Variants in ASRGL1 observed in about 807,000 individuals in gnomAD.
ASRGL1 encodes the protein isoaspartyl peptidase/L-asparaginase.
Under a neutral mutation model 22.4 loss-of-function variants are expected in ASRGL1, and 16 were observed. The observed-to-expected ratio is 0.71, with a 90% CI of 0.48 to 1.08. ASRGL1 has a LOEUF of 1.08. Among genes scored for constraint, ASRGL1 ranks in the 50% least tolerant of loss-of-function variants. The pLI, the probability that ASRGL1 is intolerant of heterozygous loss-of-function variation, is 0.00. For synonymous variants in ASRGL1, 165 were observed against 159.3 expected (o/e 1.04, Z -0.27); for missense variants, 412 against 410.1 (o/e 1.00, Z -0.04).
chr11:62,337,817 A>C, intron 1 of ASRGL1, 73 bp from the exon 2 acceptor site: 1 of 722,768 alleles, frequency 1.4e-6, no homozygotes, highest in South Asian at 2.1e-5. Context: ...ACCAAGCTCG[A>C]CCGAGCCGCC....
intron 4 of ASRGL1, chr11:62,372,161 C>T (rs558530775): frequency 3.3e-6 from 3 of 910,710 alleles, no homozygotes; most frequent in Non-Finnish European, 5.5e-6. Flanking sequence ...GCAGCTGGGA[C>T]ATGGTGACAC....
chr11:62,361,243 G>C (rs1946425245), intron 4 of ASRGL1, among the ~76,000 whole-genome samples: 1 of 151,938 alleles, frequency 6.6e-6, no homozygotes, highest in South Asian at 2.1e-4. Flanking sequence ...CCAGGCTCGA[G>C]TGCAGTGTTA....
Position 62,389,188 on chromosome 11 carries a change from G to A in ASRGL1, c.547G>A (p.Ala183Thr), listed in dbSNP as rs141874270. ...GGACTGCAAAGGGAATGTAGCCTACGCAACCTCCACAGGCGGTATCGTTAA... is the reference window on the plus strand; with the variant it reads ...GGACTGCAAAGGGAATGTAGCCTACACAACCTCCACAGGCGGTATCGTTAA... ...ALDCKGNVAY[A>T]TSTGGIVNKM... Residue 183 changes from alanine to threonine, a missense_variant, in exon 5 of 7, where the codon GCA (alanine) becomes ACA (threonine). Ala to Thr is a moderately conservative substitution (Grantham distance 58). Coordinates refer to ENST00000415229, the MANE Select transcript of ASRGL1 (RefSeq NM_001083926.2). The A allele has an allele frequency of 1.9e-5, 31 of 1,614,002 alleles. 1 individual carries two copies. Among genetic ancestry groups the A allele is most frequent in the East Asian group, 2.2e-5 (1 of 44,894 alleles).
chr11:62,391,198 A>G lies in ASRGL1; in HGVS notation c.611-324A>G, dbSNP rs576909050. On this transcript the variant is annotated intron_variant, in intron 5 of 6. Transcript: ENST00000415229. ...TTTCTTCCTCCATAGTGTGTGGGGCATGAGGAGGAGACAGGGAGAGGGTGG... is the reference window on the plus strand; with the variant it reads ...TTTCTTCCTCCATAGTGTGTGGGGCGTGAGGAGGAGACAGGGAGAGGGTGG... Among the ~76,000 whole-genome samples the G allele has an allele frequency of 3.9e-5, 6 of 152,322 alleles. No individual in the cohort carries two copies. In the East Asian group the frequency reaches 9.7e-4, roughly 25 times the overall value.
intron 4 of ASRGL1, among the ~76,000 whole-genome samples, chr11:62,370,236 G>GTGTT (rs1367324985): frequency 4.6e-5 from 7 of 152,144 alleles, no homozygotes; most frequent in Non-Finnish European, 2.9e-5. Context: ...GCAGAATATG[G>GTGTT]TGTTGCCAAT....
chr11:62,361,934 T>TTTTTGAATTAAGTGAATTAAGTGA (rs1339926115), intron 4 of ASRGL1, among the ~76,000 whole-genome samples: 4 of 152,198 alleles, frequency 2.6e-5, no homozygotes, highest in African/African-American at 9.7e-5. Flanking sequence ...TAAAGTGTGA[T>TTTTTGAATTAAGTGAATTAAGTGA]TTTTGAATTA....
chr11:62,346,472 G>A (rs754244983), intron 2 of ASRGL1, among the ~76,000 whole-genome samples: 4 of 152,104 alleles, frequency 2.6e-5, no homozygotes, highest in African/African-American at 7.2e-5. Flanking sequence ...AGTAACAAAC[G>A]TAAGAAGCCA....
chr11:62,355,673 G>A (rs1254792655), intron 2 of ASRGL1, among the ~76,000 whole-genome samples: 4 of 151,368 alleles, frequency 2.6e-5, no homozygotes, highest in Non-Finnish European at 1.5e-5. Context: ...TCGCAGAGGG[G>A]GATTTGGCAG....
At position 62,341,319 on chromosome 11, in the gene ASRGL1, C is replaced by T. The variant is rs139965508; in HGVS notation, c.190+3152C>T. On this transcript the variant is annotated intron_variant, in intron 2 of 6. Coordinates refer to ENST00000415229, the MANE Select transcript of ASRGL1 (RefSeq NM_001083926.2). ...GTTCAAGCGATTCTCCTGCCTCAGC[C>T]TCTCGAGTAGCTGGGACTATAGGCA... 4.6e-3 allele frequency among the ~76,000 whole-genome samples: 695 copies of T among 151,864 alleles called. 10 individuals are homozygous for T. Among genetic ancestry groups the T allele is most frequent in the African/African-American group, 0.016 (666 of 41,428 alleles).
rs151164229 is a variant in ASRGL1 at position 62,392,155 on chromosome 11, C to T, written c.798C>T (p.Ile266=). The T allele has an allele frequency of 1.4e-3, 2,316 of 1,614,182 alleles. 16 individuals are homozygous for T. Among genetic ancestry groups the T allele is most frequent in the Non-Finnish European group, 1.2e-3 (1,411 of 1,180,042 alleles). The stretch of plus-strand genomic sequence containing the variant: ...GGGTTAAAGGTTTAGGTGGCCTCAT[C>T]GTGGTTAGCAAAACAGGAGACTGGG... ...KSRVKGLGGL[I]VVSKTGDWVA... is the part of the protein sequence containing the mutation. Residue 266 remains isoleucine, a synonymous_variant, in exon 7 of 7, where the codon ATC becomes ATT. Coordinates refer to ENST00000415229, the MANE Select transcript of ASRGL1 (RefSeq NM_001083926.2).
intron 4 of ASRGL1, among the ~76,000 whole-genome samples, chr11:62,380,169 T>C (rs1350804550): frequency 6.6e-6 from 1 of 152,174 alleles, no homozygotes; most frequent in Non-Finnish European, 1.5e-5. Context: ...AATTCCATCA[T>C]AGGCTTTTAC....
At position 62,392,515 on chromosome 11, in the gene ASRGL1, GC is replaced by G; in HGVS notation, c.*233del. On this transcript the variant is annotated 3_prime_UTR_variant, in exon 7 of 7. Transcript: ENST00000415229. ...GCCCAGGAGGTCAAAGCTGAGGTGA[GC>G]CATGATTACTCCACTGCACTCCAGC... 1.8e-6 allele frequency: 1 copy of G among 567,494 alleles called. No homozygotes were observed. The highest frequency in any genetic ancestry group is 3.1e-6 in the Non-Finnish European group (1 of 318,854). The allele number at this position is 567,494 out of a possible 1,614,324, so 35.2% of individuals were successfully genotyped here.
intron 5 of ASRGL1, chr11:62,389,583 CAGACTTACTTGAGTA>C (rs1349766423): frequency 5.2e-6 from 2 of 386,126 alleles, no homozygotes; most frequent in Non-Finnish European, 1.0e-5. Context: ...TCAGGATCTG[CAGACTTACTTGAGTA>C]AGACTTACTC....
At chr11:62,371,735 A>G (rs922358264) in intron 4 of ASRGL1, 19 of 553,068 alleles carry the variant, frequency 3.4e-5, no homozygotes, top group African/African-American at 1.1e-4. Context: ...GGCAGATCAC[A>G]AGGTCAGGAG....
At chr11:62,354,931 CA>C (rs1273293155) in intron 2 of ASRGL1, among the ~76,000 whole-genome samples, 1 of 151,904 alleles carries the variant, frequency 6.6e-6, no homozygotes, top group Non-Finnish European at 1.5e-5. Flanking sequence ...CATGGAGTGC[CA>C]AGTCAGATTT....
intron 2 of ASRGL1, among the ~76,000 whole-genome samples, chr11:62,349,701 C>T (rs1946125048): frequency 6.6e-6 from 1 of 152,150 alleles, no homozygotes; most frequent in Non-Finnish European, 1.5e-5. Context: ...AGAAGGACTT[C>T]AGGACGAGTC....
intron 4 of ASRGL1, chr11:62,371,196 C>T (rs967755768): frequency 5.6e-6 from 7 of 1,256,608 alleles, no homozygotes; most frequent in Admixed American, 3.6e-5. Flanking sequence ...ACGGCACTGC[C>T]CACGCCAGGG....
chr11:62,373,015 A>C (rs1565168335), intron 4 of ASRGL1: 4 of 1,378,840 alleles, frequency 2.9e-6, no homozygotes, highest in East Asian at 4.6e-5. Flanking sequence ...CACAAGCCCA[A>C]GTCTTCCACT....
intron 4 of ASRGL1, among the ~76,000 whole-genome samples, chr11:62,384,025 CACGTGTGT>C (rs1418533649): frequency 5.2e-5 from 7 of 135,882 alleles, no homozygotes; most frequent in Non-Finnish European, 9.7e-5. Flanking sequence ...TGTGTGTGTG[CACGTGTGT>C]GCGTGTGTGT....
Sources: gnomAD v4.1 joint callset for allele counts (sites outside exome capture counted in the v4.1 genomes callset) on GRCh38, gnomAD v4.1.1 for gene constraint, MANE v1.5 for transcripts, NCBI Gene and HGNC (gene_info 2026-07-23, HGNC 2026-07-21) for gene names.